BTRC: variants seen among roughly 807,000 people sequenced by gnomAD.
BTRC encodes F-box/WD repeat-containing protein 1A.
BTRC carries 42 observed loss-of-function variants against 85.5 expected under a neutral mutation model. The observed-to-expected ratio is 0.49, with a 90% CI of 0.38 to 0.64. The LOEUF (loss-of-function observed/expected upper bound fraction) is 0.64, where lower values mean the gene tolerates loss of function less well. Among genes scored for constraint, BTRC ranks in the 30% least tolerant of loss-of-function variants. The pLI is 0.00. For missense variants in BTRC, 594 were observed against 743.5 expected (o/e 0.80, Z 2.34); for synonymous variants, 255 against 263.3 (o/e 0.97, Z 0.30).
At chr10:101,449,317 A>T (rs1252679425) in intron 2 of BTRC, among the ~76,000 whole-genome samples, 2 of 152,078 alleles carry the variant, frequency 1.3e-5, no homozygotes, top group Non-Finnish European at 2.9e-5. Context: ...GACAGAAAAA[A>T]AAAATTCATC....
intron 1 of BTRC, among the ~76,000 whole-genome samples, chr10:101,358,761 A>G (rs1942115774): frequency 6.6e-6 from 1 of 152,204 alleles, no homozygotes; most frequent in South Asian, 2.1e-4. Flanking sequence ...TCCAGGAGAC[A>G]GGAGGTAGAG....
At chr10:101,469,125 A>T (rs931546053) in intron 3 of BTRC, among the ~76,000 whole-genome samples, 1 of 152,234 alleles carries the variant, frequency 6.6e-6, no homozygotes, top group African/African-American at 2.4e-5. Context: ...TGGTTCAGCA[A>T]TGAAGCTACC....
At chr10:101,432,010 G>A (rs2134085629) in intron 2 of BTRC, among the ~76,000 whole-genome samples, 1 of 152,274 alleles carries the variant, frequency 6.6e-6, no homozygotes, top group East Asian at 1.9e-4. Flanking sequence ...GGATACTATA[G>A]TAAGGGCATG....
intron 1 of BTRC, among the ~76,000 whole-genome samples, chr10:101,381,129 A>T (rs1942917604): frequency 7.8e-6 from 1 of 127,868 alleles, no homozygotes; most frequent in African/African-American, 2.6e-5. Context: ...GGTGGTGATA[A>T]TAATAACAAT....
intron 4 of BTRC, among the ~76,000 whole-genome samples, chr10:101,488,921 C>G (rs1038393959): frequency 2.6e-5 from 4 of 151,980 alleles, no homozygotes; most frequent in Non-Finnish European, 5.9e-5. Flanking sequence ...ATATTTATAA[C>G]TAATGTAGAT....
chr10:101,366,867 T>TATTTATGTATAC, intron 1 of BTRC, among the ~76,000 whole-genome samples: 1 of 15,720 alleles, frequency 6.4e-5, no homozygotes, highest in East Asian at 1.7e-3. Flanking sequence ...TATTTATATA[T>TATTTATGTATAC]TAATATATAT....
At chr10:101,507,300 C>T (rs1172640955) in intron 4 of BTRC, among the ~76,000 whole-genome samples, 3 of 152,144 alleles carry the variant, frequency 2.0e-5, no homozygotes, top group African/African-American at 4.8e-5. Flanking sequence ...ATAAACACAG[C>T]GCTCATTTCT....
intron 12 of BTRC, among the ~76,000 whole-genome samples, chr10:101,536,965 A>G (rs2062396142): frequency 6.6e-6 from 1 of 152,196 alleles, no homozygotes; most frequent in South Asian, 2.1e-4. Context: ...CAGGCTACCC[A>G]TGTAAAAGGG....
intron 4 of BTRC, among the ~76,000 whole-genome samples, chr10:101,486,256 T>C (rs1257800344): frequency 6.6e-6 from 1 of 152,142 alleles, no homozygotes; most frequent in Non-Finnish European, 1.5e-5. Flanking sequence ...AATGTAACAA[T>C]TTCCCAATAA....
chr10:101,541,784 G>C (rs2062472781), intron 13 of BTRC, among the ~76,000 whole-genome samples: 1 of 152,018 alleles, frequency 6.6e-6, no homozygotes, highest in Admixed American at 6.6e-5. Context: ...AACACCACTT[G>C]TTCATGAGGT....
intron 1 of BTRC, among the ~76,000 whole-genome samples, chr10:101,398,782 C>T (rs996983977): frequency 2.6e-5 from 4 of 151,852 alleles, no homozygotes; most frequent in Admixed American, 2.6e-4. Context: ...TAATATTGAC[C>T]ATAGGAACAG....
rs1180025654 is a variant in BTRC, at chr10:101,366,901, T to C, written c.48+12673T>C. Among the ~76,000 whole-genome samples the C allele has an allele frequency of 1.0e-3, 37 of 35,894 alleles. 8 individuals are homozygous for C. Among genetic ancestry groups the C allele is most frequent in the Non-Finnish European group, 1.4e-4 (3 of 21,816 alleles). 23.5% of individuals were successfully genotyped at this position (35,894 alleles called of 152,430 possible). A position where few individuals can be genotyped will look rare whatever the true frequency, so the allele number is the denominator to read the frequency against. On this transcript the variant is annotated intron_variant, in intron 1 of 14. Coordinates refer to ENST00000370187, the MANE Select transcript of BTRC (RefSeq NM_033637.4). Reference sequence around the variant, plus strand: ...ATTTATATATATTTATATATATTTATATATATTAATATATATTTATATATA... The same window carrying C: ...ATTTATATATATTTATATATATTTACATATATTAATATATATTTATATATA...
chr10:101,369,873 A>T (rs1942582264), intron 1 of BTRC, among the ~76,000 whole-genome samples: 1 of 152,096 alleles, frequency 6.6e-6, no homozygotes, highest in Non-Finnish European at 1.5e-5. Context: ...TTTCTTAGTC[A>T]ATCAGCCCCT....
intron 3 of BTRC, among the ~76,000 whole-genome samples, chr10:101,469,060 T>C (rs1945453642): frequency 6.6e-6 from 1 of 152,244 alleles, no homozygotes. Context: ...GCTTATGTGC[T>C]TTATATGCGA....
chr10:101,547,266 T>C (rs2062571972), intron 13 of BTRC, among the ~76,000 whole-genome samples: 1 of 151,726 alleles, frequency 6.6e-6, no homozygotes, highest in Non-Finnish European at 1.5e-5. Context: ...TCACACCATT[T>C]CTAGCCTGGG....
chr10:101,361,556 TA>T (rs1942207961), intron 1 of BTRC, among the ~76,000 whole-genome samples: 1 of 152,226 alleles, frequency 6.6e-6, no homozygotes, highest in Admixed American at 6.5e-5. Context: ...CTCAGCATTC[TA>T]AAATAGGCAA....
intron 4 of BTRC, among the ~76,000 whole-genome samples, chr10:101,502,054 A>G (rs1464901028): frequency 1.3e-5 from 2 of 152,190 alleles, no homozygotes; most frequent in Admixed American, 1.3e-4. Flanking sequence ...GGACATATAA[A>G]TAACCTCCAA....
chr10:101,415,278 T>C (rs1236623260), intron 1 of BTRC, among the ~76,000 whole-genome samples: 1 of 151,612 alleles, frequency 6.6e-6, no homozygotes, highest in Non-Finnish European at 1.5e-5. Flanking sequence ...CAGGCTGAAA[T>C]GATCCTCCTG....
intron 2 of BTRC, among the ~76,000 whole-genome samples, chr10:101,447,012 G>A (rs117452441): frequency 0.013 from 1,989 of 151,802 alleles, 23 homozygotes; most frequent in Non-Finnish European, 0.019. Flanking sequence ...GGGGGGGCCG[G>A]TTACAAAGCA....
Sources: allele counts gnomAD v4.1 joint callset (sites outside exome capture counted in the v4.1 genomes callset), GRCh38; gene constraint gnomAD v4.1.1; transcripts MANE v1.5; gene names NCBI Gene and HGNC (gene_info 2026-07-23, HGNC 2026-07-21).